GRM8: variants seen among roughly 807,000 people sequenced by gnomAD.
The protein encoded by GRM8 is glutamate metabotropic receptor 8.
Under a neutral mutation model 87.2 loss-of-function variants are expected in GRM8, and 47 were observed. The ratio of observed to expected loss-of-function variants is 0.54; its 90% confidence interval spans 0.43 to 0.69. The LOEUF is 0.69. Among genes scored for constraint, GRM8 ranks in the 30% least tolerant of loss-of-function variants. The probability of loss-of-function intolerance (pLI) is 0.00; values close to 1 mark genes in which losing one functional copy is unlikely to be tolerated. For synonymous variants in GRM8, 396 were observed against 404.5 expected, an observed-to-expected ratio of 0.98 and a Z score of 0.25; for missense variants, 1,019 against 1,139.2, an observed-to-expected ratio of 0.89 and a Z score of 1.52.
At chr7:127,217,248 G>A (rs543309930) in intron 2 of GRM8, among the ~76,000 whole-genome samples, 109 of 152,244 alleles carry the variant, frequency 7.2e-4, no homozygotes, top group Non-Finnish European at 1.3e-3. Context: ...AAAAAATGCC[G>A]TTAGGTTCAG....
chr7:126,995,930 A>G (rs1650204910), intron 3 of GRM8, among the ~76,000 whole-genome samples: 1 of 152,072 alleles, frequency 6.6e-6, no homozygotes, highest in South Asian at 2.1e-4. Flanking sequence ...AATCAAATTC[A>G]AAGATAAAGA....
intron 6 of GRM8, among the ~76,000 whole-genome samples, chr7:126,853,261 A>G (rs1797380606): frequency 6.6e-6 from 1 of 152,182 alleles, no homozygotes; most frequent in Non-Finnish European, 1.5e-5. Flanking sequence ...ATCATCAGTT[A>G]CTAGTGTTTT....
At chr7:126,639,091 A>G (rs897394126) in intron 7 of GRM8, among the ~76,000 whole-genome samples, 2 of 152,232 alleles carry the variant, frequency 1.3e-5, no homozygotes, top group Admixed American at 1.3e-4. Context: ...TAAAATGCGT[A>G]TCTGTCTTTT....
intron 2 of GRM8, among the ~76,000 whole-genome samples, chr7:127,186,731 C>A (rs909179809): frequency 6.6e-6 from 1 of 152,102 alleles, no homozygotes; most frequent in Non-Finnish European, 1.5e-5. Flanking sequence ...CTGATGAGAG[C>A]TTTTCAGTTG....
At position 126,663,507 on chromosome 7, in the gene GRM8, C is replaced by T. The variant is rs138651792; in HGVS notation, c.1358-54009G>A. On this transcript the variant is annotated intron_variant, in intron 7 of 10. Coordinates refer to ENST00000339582, the MANE Select transcript of GRM8 (RefSeq NM_000845.3). ...TTCAACATATGCAAATCAATAAATG[C>T]GATTCACCACAGAAACAGAACTTTT... Among the ~76,000 whole-genome samples the T allele has an allele frequency of 2.1e-3, 321 of 152,212 alleles. 3 individuals carry two copies. Among genetic ancestry groups the T allele is most frequent in the African/African-American group, 7.0e-3 (292 of 41,546 alleles).
At chr7:127,028,962 T>A (rs573999230) in intron 3 of GRM8, among the ~76,000 whole-genome samples, 1 of 152,326 alleles carries the variant, frequency 6.6e-6, no homozygotes, top group East Asian at 1.9e-4. Context: ...TGCTTTCTTT[T>A]GTGGGCATTT....
intron 3 of GRM8, among the ~76,000 whole-genome samples, chr7:127,067,956 T>C (rs534691206): frequency 1.0e-3 from 154 of 152,252 alleles, no homozygotes; most frequent in Non-Finnish European, 2.0e-3. Context: ...AAGGGAGATA[T>C]GGTTTATAAT....
intron 6 of GRM8, among the ~76,000 whole-genome samples, chr7:126,894,412 A>G (rs1449216161): frequency 6.6e-6 from 1 of 152,056 alleles, no homozygotes; most frequent in Non-Finnish European, 1.5e-5. Context: ...CTTCCAATCA[A>G]TCAAGATAAT....
rs1794135569 is a variant in GRM8 at position 126,565,438 on chromosome 7, C to G, written c.1495-31551G>C. Among the ~76,000 whole-genome samples, 3 of 152,054 alleles carry G rather than the reference C, an allele frequency of 2.0e-5. No individual in the cohort carries two copies. In the South Asian group the frequency reaches 6.2e-4, roughly 32 times the overall value. On this transcript the variant is annotated intron_variant, in intron 8 of 10. Transcript: ENST00000339582. ...TATCTGAAAAAATTGGGAAAACAGT[C>G]TCACTTACAATAGCATCACAAATAA...
At chr7:126,513,769 A>C (rs1289696231) in intron 9 of GRM8, among the ~76,000 whole-genome samples, 1 of 152,146 alleles carries the variant, frequency 6.6e-6, no homozygotes, top group African/African-American at 2.4e-5. Flanking sequence ...TAGTAAGAGA[A>C]GGAGGACTTA....
intron 3 of GRM8, among the ~76,000 whole-genome samples, chr7:127,054,008 G>T (rs1444326981): frequency 6.6e-6 from 1 of 152,078 alleles, no homozygotes. Flanking sequence ...AACTGGTATA[G>T]GTTTACAGTA....
In GRM8 at chr7:126,524,443, C is replaced by A. The variant is rs190856909; in HGVS notation, c.2430+8509G>T. The stretch of plus-strand genomic sequence containing the variant: ...TCTGATGTTCATTCTTTGTAGGTAT[C>A]TTTTTTTCCCTTCTAAAAGTTCCTA... On this transcript the variant is annotated intron_variant, in intron 9 of 10. Transcript: ENST00000339582. 3.1e-3 allele frequency among the ~76,000 whole-genome samples: 468 copies of A among 152,182 alleles called. 9 individuals carry two copies. Among genetic ancestry groups the A allele is most frequent in the Admixed American group, 0.026 (396 of 15,270 alleles).
At chr7:127,103,690 T>A (rs1177508884) in intron 3 of GRM8, among the ~76,000 whole-genome samples, 1 of 152,236 alleles carries the variant, frequency 6.6e-6, no homozygotes, top group Non-Finnish European at 1.5e-5. Flanking sequence ...TTGTCTCCCA[T>A]AATTCACTAA....
chr7:127,175,798 T>C (rs1389432892), intron 2 of GRM8, among the ~76,000 whole-genome samples: 1 of 152,116 alleles, frequency 6.6e-6, no homozygotes, highest in Non-Finnish European at 1.5e-5. Context: ...TAATAATAAC[T>C]ACCCTGAGGG....
At chr7:126,788,043 T>A (rs1585933148) in intron 6 of GRM8, among the ~76,000 whole-genome samples, 1 of 152,218 alleles carries the variant, frequency 6.6e-6, no homozygotes, top group African/African-American at 2.4e-5. Context: ...TGCAACTCCT[T>A]TATTTTCCTC....
intron 3 of GRM8, among the ~76,000 whole-genome samples, chr7:127,077,412 A>G (rs1480009777): frequency 6.6e-6 from 1 of 152,106 alleles, no homozygotes; most frequent in East Asian, 1.9e-4. Flanking sequence ...AACTTCCCCC[A>G]AATTGCTGTG....
chr7:126,523,610 G>A (rs1035411714), intron 9 of GRM8, among the ~76,000 whole-genome samples: 3 of 150,986 alleles, frequency 2.0e-5, no homozygotes, highest in Non-Finnish European at 2.9e-5. Flanking sequence ...TTATTCTCCT[G>A]CCTCAGGCTT....
At chr7:126,577,003 C>A (rs1028279886) in intron 8 of GRM8, among the ~76,000 whole-genome samples, 1 of 152,190 alleles carries the variant, frequency 6.6e-6, no homozygotes, top group African/African-American at 2.4e-5. Context: ...CATTTCACTA[C>A]CAACCCAATG....
chr7:126,999,246 G>C (rs1006183224), intron 3 of GRM8, among the ~76,000 whole-genome samples: 2 of 151,652 alleles, frequency 1.3e-5, no homozygotes, highest in Admixed American at 6.6e-5. Flanking sequence ...AAATCAAAAG[G>C]GATTAAAAAC....
Sources: allele counts gnomAD v4.1 joint callset (sites outside exome capture counted in the v4.1 genomes callset), GRCh38; gene constraint gnomAD v4.1.1; transcripts MANE v1.5; gene names NCBI Gene and HGNC (gene_info 2026-07-23, HGNC 2026-07-21).